EYS: variants seen among roughly 807,000 people sequenced by gnomAD.
The protein encoded by EYS is protein eyes shut homolog.
Under a neutral mutation model 282.1 loss-of-function variants are expected in EYS, and 250 were observed. The observed-to-expected ratio is 0.89, with a 90% CI of 0.80 to 0.98. The LOEUF (loss-of-function observed/expected upper bound fraction) is 0.98, where lower values mean the gene tolerates loss of function less well. Ranked by LOEUF, EYS falls within the 50% of genes least tolerant of loss-of-function variation. EYS has a pLI of 0.00. For missense variants in EYS, 4,016 were observed against 3,709.0 expected, an observed-to-expected ratio of 1.08 and a Z score of -2.15; for synonymous variants, 1,355 against 1,282.9, an observed-to-expected ratio of 1.06 and a Z score of -1.20.
At chr6:65,245,294 A>T (rs937894443) in intron 12 of EYS, among the ~76,000 whole-genome samples, 1 of 152,178 alleles carries the variant, frequency 6.6e-6, no homozygotes, top group African/African-American at 2.4e-5. Flanking sequence ...AATGGGAGGG[A>T]TACATCAAGT....
chr6:64,608,744 C>T (rs941385878), intron 24 of EYS, among the ~76,000 whole-genome samples: 4 of 152,010 alleles, frequency 2.6e-5, no homozygotes, highest in African/African-American at 9.7e-5. Flanking sequence ...GGCTCTCATG[C>T]CATGAAAAAA....
intron 31 of EYS, among the ~76,000 whole-genome samples, chr6:64,113,183 A>T (rs1210254228): frequency 6.6e-6 from 1 of 152,156 alleles, no homozygotes; most frequent in East Asian, 1.9e-4. Flanking sequence ...TTAGAGTTAT[A>T]CTAAGTTATA....
chr6:65,370,959 C>G (rs912681437), intron 8 of EYS, among the ~76,000 whole-genome samples: 1 of 151,556 alleles, frequency 6.6e-6, no homozygotes, highest in Non-Finnish European at 1.5e-5. Flanking sequence ...GTTTGAAGAA[C>G]TATGTTGTAA....
chr6:65,055,783 A>G (rs1773394588), intron 13 of EYS, among the ~76,000 whole-genome samples: 4 of 152,082 alleles, frequency 2.6e-5, no homozygotes, highest in African/African-American at 9.7e-5. Flanking sequence ...AAAAAGTGCC[A>G]TTCTCATCAT....
intron 26 of EYS, among the ~76,000 whole-genome samples, chr6:64,520,274 T>TATGAGTCAGCTTTGTCTCATCACAA (rs1777691579): frequency 6.6e-6 from 1 of 151,822 alleles, no homozygotes; most frequent in Non-Finnish European, 1.5e-5. Context: ...AAAATGCTCC[T>TATGAGTCAGCTTTGTCTCATCACAA]ATGAGTCAGC....
chr6:63,998,833 C>T (rs1229829718), intron 34 of EYS, among the ~76,000 whole-genome samples: 1 of 149,746 alleles, frequency 6.7e-6, no homozygotes, highest in Non-Finnish European at 1.5e-5. Flanking sequence ...GTATTAAATC[C>T]AAAGTGTGAA....
Position 64,225,237 on chromosome 6 carries a change from G to A in EYS, c.6424+5355C>T, listed in dbSNP as rs573056702. The stretch of plus-strand genomic sequence containing the variant: ...ATCCACTCAATAGGTTTCCTTTTTC[G>A]TGTAATCATGTAAGTCTCCTGAAAG... On this transcript the variant is annotated intron_variant, in intron 31 of 42. Transcript: ENST00000503581. Among the ~76,000 whole-genome samples the A allele has an allele frequency of 1.1e-4, 16 of 151,922 alleles. No homozygotes were observed. In the South Asian group the frequency reaches 2.5e-3, roughly 24 times the overall value.
intron 26 of EYS, among the ~76,000 whole-genome samples, chr6:64,540,091 G>A (rs1449901179): frequency 1.3e-5 from 2 of 152,120 alleles, no homozygotes; most frequent in Non-Finnish European, 2.9e-5. Context: ...ATGATTTTCC[G>A]GAGTCTGAGA....
chr6:64,109,824 C>G (rs1222494615), intron 31 of EYS, among the ~76,000 whole-genome samples: 1 of 152,072 alleles, frequency 6.6e-6, no homozygotes, highest in Non-Finnish European at 1.5e-5. Context: ...TTGATTTTGC[C>G]TAAGAACCAT....
intron 31 of EYS, among the ~76,000 whole-genome samples, chr6:64,227,778 T>C (rs925385603): frequency 1.9e-4 from 29 of 152,084 alleles, no homozygotes; most frequent in Non-Finnish European, 4.4e-5. Flanking sequence ...AAGGGATTCA[T>C]TTAAACATTA....
rs1171912473 is a variant in EYS, at chr6:65,177,918, AT to A, written c.2023+117944del. On this transcript the variant is annotated intron_variant, in intron 12 of 42. Transcript: ENST00000503581. ...CAACAATGCATCATGTATGAGAATG[AT>A]TTTTTTTCTCCACAGATCATTCCCA... Among the ~76,000 whole-genome samples, 7 of 151,874 alleles carry A rather than the reference AT, an allele frequency of 4.6e-5. No homozygotes were observed. The East Asian group carries it at 5.9e-4, about 13-fold the overall frequency.
intron 26 of EYS, among the ~76,000 whole-genome samples, chr6:64,453,998 AAAGTAT>A (rs1417822481): frequency 6.6e-6 from 1 of 152,102 alleles, no homozygotes; most frequent in African/African-American, 2.4e-5. Flanking sequence ...CCTAAAACTT[AAAGTAT>A]AATAATAATA....
intron 22 of EYS, among the ~76,000 whole-genome samples, chr6:64,629,854 C>T (rs1204532031): frequency 6.6e-6 from 1 of 152,122 alleles, no homozygotes; most frequent in African/African-American, 2.4e-5. Context: ...AAAGACCGTT[C>T]TGTTTCTTCC....
At chr6:64,476,576 G>A (rs116650019) in intron 26 of EYS, among the ~76,000 whole-genome samples, 3 of 151,774 alleles carry the variant, frequency 2.0e-5, no homozygotes, top group African/African-American at 7.3e-5. Flanking sequence ...ATTGAAAAAA[G>A]GTGATCATTT....
At chr6:65,469,800 GGCATCTATTCTGCCAA>G (rs1562203942) in intron 5 of EYS, among the ~76,000 whole-genome samples, 1 of 151,774 alleles carries the variant, frequency 6.6e-6, no homozygotes, top group African/African-American at 2.4e-5. Context: ...GCTATACATA[GGCATCTATTCTGCCAA>G]GCATCTGCTG....
chr6:64,611,130 C>A (rs1225833143), intron 24 of EYS, among the ~76,000 whole-genome samples: 2 of 152,250 alleles, frequency 1.3e-5, no homozygotes, highest in East Asian at 3.9e-4. Context: ...CCTAATTGAT[C>A]TGGGGAGAGG....
chr6:64,919,006 C>A (rs896367978), intron 15 of EYS, among the ~76,000 whole-genome samples: 1 of 151,998 alleles, frequency 6.6e-6, no homozygotes, highest in South Asian at 2.1e-4. Context: ...CATATAGAAT[C>A]CTCTTCATTA....
chr6:64,970,389 G>T (rs1279749567), intron 14 of EYS, among the ~76,000 whole-genome samples: 1 of 152,062 alleles, frequency 6.6e-6, no homozygotes, highest in Non-Finnish European at 1.5e-5. Context: ...GTAGAGATGG[G>T]GTTTCGTCAT....
chr6:64,862,187 A>G (rs958734250), intron 19 of EYS, among the ~76,000 whole-genome samples: 3 of 152,078 alleles, frequency 2.0e-5, no homozygotes, highest in East Asian at 1.9e-4. Flanking sequence ...TTGTTTTCCT[A>G]TAGGTGAGGT....
Sources: gnomAD v4.1 joint callset for allele counts (sites outside exome capture counted in the v4.1 genomes callset) on GRCh38, gnomAD v4.1.1 for gene constraint, MANE v1.5 for transcripts, NCBI Gene and HGNC (gene_info 2026-07-23, HGNC 2026-07-21) for gene names.